CHKA: variants seen among roughly 807,000 people sequenced by gnomAD.
The protein encoded by CHKA is choline kinase alpha, also known as CHETK-alpha.
In CHKA, 34 loss-of-function variants were observed where a neutral mutation model predicts 60.1. The observed-to-expected ratio is 0.57, with a 90% CI of 0.43 to 0.75. The LOEUF is 0.75. Ranked by LOEUF, CHKA falls within the 30% of genes least tolerant of loss-of-function variation. CHKA has a pLI of 0.00. For synonymous variants in CHKA, 217 were observed against 223.1 expected (o/e 0.97, Z 0.24); for missense variants, 563 against 561.3 (o/e 1.00, Z -0.03).
chr11:68,071,412 T>G (rs1310777661), intron 4 of CHKA, among the ~76,000 whole-genome samples: 1 of 152,324 alleles, frequency 6.6e-6, no homozygotes, highest in African/African-American at 2.4e-5. Flanking sequence ...AGGGCAAAGT[T>G]GGGCAAAGAA....
intron 2 of CHKA, chr11:68,082,207 T>C (rs1047504656): frequency 6.6e-6 from 1 of 151,786 alleles, no homozygotes; most frequent in African/African-American, 2.4e-5. Context: ...AAACAACCCT[T>C]GGGCTACATT....
chr11:68,119,863 C>CT (rs1459592718), intron 1 of CHKA, among the ~76,000 whole-genome samples: 1 of 152,044 alleles, frequency 6.6e-6, no homozygotes, highest in African/African-American at 2.4e-5. Flanking sequence ...GGTCAGACTT[C>CT]TGTTAAGTCT....
At chr11:68,118,139 G>A (rs1247326512) in intron 1 of CHKA, among the ~76,000 whole-genome samples, 8 of 152,112 alleles carry the variant, frequency 5.3e-5, no homozygotes, top group Admixed American at 3.9e-4. Context: ...AGTGAAACAC[G>A]GAGCTCCAGA....
At chr11:68,099,230 T>G (rs1028969228) in intron 1 of CHKA, among the ~76,000 whole-genome samples, 2 of 152,194 alleles carry the variant, frequency 1.3e-5, no homozygotes, top group Admixed American at 6.5e-5. Context: ...GATGAAAATG[T>G]TCTAAAACTG....
At chr11:68,084,313 TGTGTATATATATACAC>T (rs1857089944) in intron 2 of CHKA, among the ~76,000 whole-genome samples, 4 of 140,094 alleles carry the variant, frequency 2.9e-5, no homozygotes, top group Non-Finnish European at 6.2e-5. Context: ...TGTATATACA[TGTGTATATATATACAC>T]ATATACGTAT....
intron 1 of CHKA, among the ~76,000 whole-genome samples, chr11:68,117,876 G>C (rs1394828975): frequency 6.6e-6 from 1 of 152,150 alleles, no homozygotes; most frequent in African/African-American, 2.4e-5. Flanking sequence ...ACAGCAAAGG[G>C]ACCAGACAGA....
chr11:68,069,800 G>C (rs1014691093), intron 6 of CHKA, among the ~76,000 whole-genome samples: 16 of 152,246 alleles, frequency 1.1e-4, no homozygotes, highest in African/African-American at 3.4e-4. Context: ...TGAAGACTCT[G>C]TTTCTCGCAA....
chr11:68,077,794 C>A (rs887086317), intron 3 of CHKA, among the ~76,000 whole-genome samples: 1 of 152,036 alleles, frequency 6.6e-6, no homozygotes, highest in African/African-American at 2.4e-5. Flanking sequence ...GTGGGTATTT[C>A]TAAGGAGGCC....
At chr11:68,095,179 C>A (rs933564271) in intron 2 of CHKA, among the ~76,000 whole-genome samples, 1 of 151,384 alleles carries the variant, frequency 6.6e-6, no homozygotes, top group South Asian at 2.1e-4. Flanking sequence ...CCAAGGCGGG[C>A]AGGTCACAAG....
chr11:68,086,439 C>T (rs554460156), intron 2 of CHKA, among the ~76,000 whole-genome samples: 1 of 152,294 alleles, frequency 6.6e-6, no homozygotes, highest in East Asian at 1.9e-4. Context: ...CTTTAAGTTA[C>T]CTAATGTTCC....
intron 2 of CHKA, among the ~76,000 whole-genome samples, chr11:68,084,295 C>T (rs1365410676): frequency 7.3e-5 from 10 of 137,872 alleles, no homozygotes; most frequent in Non-Finnish European, 1.2e-4. Context: ...CATATATATA[C>T]GTATATGTGT....
chr11:68,084,427 CAT>C (rs34157126), intron 2 of CHKA, among the ~76,000 whole-genome samples: 82,156 of 128,420 alleles, frequency 0.64, 25,242 homozygotes, highest in South Asian at 0.75. Context: ...TATATATACA[CAT>C]ATATATACGT....
chr11:68,108,764 G>A (rs1408451216), intron 1 of CHKA, among the ~76,000 whole-genome samples: 13 of 152,236 alleles, frequency 8.5e-5, no homozygotes, highest in Non-Finnish European at 1.5e-4. Flanking sequence ...ATGAGGTTAA[G>A]GGGGAAACTG....
At chr11:68,103,248 G>A (rs912281770) in intron 1 of CHKA, among the ~76,000 whole-genome samples, 3 of 151,958 alleles carry the variant, frequency 2.0e-5, no homozygotes, top group African/African-American at 4.8e-5. Flanking sequence ...CCAACTACTC[G>A]GGAGGTTGAG....
At chr11:68,081,083 C>T (rs1164016480) in intron 3 of CHKA, among the ~76,000 whole-genome samples, 2 of 152,216 alleles carry the variant, frequency 1.3e-5, no homozygotes, top group Admixed American at 6.5e-5. Flanking sequence ...ATCACAGCAG[C>T]GGCAGCCAGG....
At chr11:68,068,132 C>A (rs947989089) in intron 7 of CHKA, among the ~76,000 whole-genome samples, 1 of 151,944 alleles carries the variant, frequency 6.6e-6, no homozygotes, top group African/African-American at 2.4e-5. Context: ...CAGAGAAGCC[C>A]GAAATAATTA....
intron 8 of CHKA, 35 bp downstream of exon 8, chr11:68,066,394 T>C: frequency 6.8e-7 from 1 of 1,468,244 alleles, no homozygotes; most frequent in Non-Finnish European, 9.5e-7. Flanking sequence ...GATAAATCAA[T>C]ATTGAGATGG....
intron 1 of CHKA, among the ~76,000 whole-genome samples, chr11:68,120,340 A>G (rs1398049093): frequency 6.6e-6 from 1 of 152,232 alleles, no homozygotes; most frequent in Non-Finnish European, 1.5e-5. Flanking sequence ...AGGGGATGAG[A>G]AAATGCTACT....
At position 68,064,520 on chromosome 11, in the gene CHKA, GT is replaced by G; in HGVS notation, c.1232+4del. The G allele has an allele frequency of 7.0e-7, 1 of 1,426,964 alleles. No homozygotes were observed. Among genetic ancestry groups the G allele is most frequent in the South Asian group, 1.3e-5 (1 of 78,002 alleles). The allele number at this position is 1,426,964 out of a possible 1,614,324, so 88.4% of individuals were successfully genotyped here. On this transcript the variant is annotated splice_donor_region_variant and intron_variant, in intron 10 of 11. Coordinates refer to ENST00000265689, the MANE Select transcript of CHKA (RefSeq NM_001277.3). ...CTTTACAAATCAAAAAAGGAAAAAT[GT>G]TACCTATTAACTTCAAGCAACATTT...
Sources: allele counts gnomAD v4.1 joint callset (sites outside exome capture counted in the v4.1 genomes callset), GRCh38; gene constraint gnomAD v4.1.1; transcripts MANE v1.5; gene names NCBI Gene and HGNC (gene_info 2026-07-23, HGNC 2026-07-21).